GLP1R: variants seen among roughly 807,000 people sequenced by gnomAD.
GLP1R encodes glucagon-like peptide 1 receptor.
Under a neutral mutation model 68.4 loss-of-function variants are expected in GLP1R, and 32 were observed. That is an observed-to-expected ratio of 0.47 (90% CI 0.35 to 0.63). The LOEUF (loss-of-function observed/expected upper bound fraction) is 0.63, where lower values mean the gene tolerates loss of function less well. GLP1R is among the 20% of genes least tolerant of loss of function. The pLI is 0.00. For missense variants in GLP1R, 502 were observed against 594.9 expected (o/e 0.84, Z 1.62); for synonymous variants, 263 against 244.4 (o/e 1.08, Z -0.71).
chr6:39,056,165 C>T (rs10305435), intron 1 of GLP1R, among the ~76,000 whole-genome samples: 4,341 of 152,284 alleles, frequency 0.029, 184 homozygotes, highest in East Asian at 0.16. Flanking sequence ...GCTGGGTGCT[C>T]GTGACACATC....
chr6:39,059,992 G>A (rs868862869), intron 3 of GLP1R, among the ~76,000 whole-genome samples: 12 of 151,838 alleles, frequency 7.9e-5, no homozygotes, highest in African/African-American at 2.4e-4. Context: ...CCCCAACCCC[G>A]TCCCCCTGCC....
At chr6:39,066,899 G>T (rs10305467) in intron 5 of GLP1R, among the ~76,000 whole-genome samples, 2 of 152,194 alleles carry the variant, frequency 1.3e-5, no homozygotes, top group African/African-American at 2.4e-5. Context: ...GGCAGCAAGA[G>T]CAGGAGAGGT....
rs1342920919 is a variant in GLP1R, at chr6:39,087,677, A to C, written c.*1604A>C. ...ACACATTCTCCTGTGCCCCTCAGAG[A>C]GGCATGTGATGTGCAAGGAAAATAA... is the stretch of plus-strand genomic sequence containing the variant. On this transcript the variant is annotated 3_prime_UTR_variant, in exon 13 of 13. Coordinates refer to ENST00000373256, the MANE Select transcript of GLP1R (RefSeq NM_002062.5). 6.6e-6 allele frequency: 1 copy of C among 152,178 alleles called. No homozygotes were observed. Among genetic ancestry groups the C allele is most frequent in the East Asian group, 1.9e-4 (1 of 5,200 alleles). The allele number at this position is 152,178 out of a possible 1,614,324, so 9.4% of individuals were successfully genotyped here. A position where few individuals can be genotyped will look rare whatever the true frequency, so the allele number is the denominator to read the frequency against.
At chr6:39,071,794 A>C (rs1229447027) in intron 5 of GLP1R, among the ~76,000 whole-genome samples, 11 of 152,140 alleles carry the variant, frequency 7.2e-5, no homozygotes, top group Admixed American at 7.2e-4. Flanking sequence ...GCTCTTCTTT[A>C]TAAGTTTTTA....
Position 39,048,872 on chromosome 6 carries a change from CGCT to C in GLP1R, c.42_44del (p.Leu15del), listed in dbSNP as rs1445709721. On this transcript the variant is annotated inframe_deletion, in exon 1 of 13. Transcript: ENST00000373256. ...GGCGCCCCCGGCCCGCTGCGCCTTG[CGCT>C]GCTGCTGCTCGGGATGGTGGGCAGG... is the stretch of plus-strand genomic sequence containing the variant. 7 of 1,497,846 alleles carry C rather than the reference CGCT, an allele frequency of 4.7e-6. No individual in the cohort carries two copies. The highest frequency in any genetic ancestry group is 1.3e-5 in the South Asian group (1 of 79,526). 92.8% of individuals were successfully genotyped at this position (1,497,846 alleles called of 1,614,324 possible).
Position 39,079,452 on chromosome 6 carries a change from C to T in GLP1R, c.1044-112C>T. The T allele has an allele frequency of 8.9e-7, 1 of 1,125,842 alleles. No individual in the cohort carries two copies. The highest frequency in any genetic ancestry group is 1.3e-6 in the Non-Finnish European group (1 of 788,306). 69.7% of individuals were successfully genotyped at this position (1,125,842 alleles called of 1,614,324 possible). ...TCCCAGGGTATTTGGGGTGGGAGAA[C>T]ATCCATGACCCAGATATCAGGACTT... On this transcript the variant is annotated intron_variant, in intron 10 of 12. Transcript: ENST00000373256. The surrounding 1 kb of genome is among the most constrained non-coding windows in gnomAD (Gnocchi z 4.5).
At position 39,089,626 on chromosome 6, in the gene GLP1R, G is replaced by C. The variant is rs568252668; in HGVS notation, c.*3553G>C. On this transcript the variant is annotated 3_prime_UTR_variant, in exon 13 of 13. Coordinates refer to ENST00000373256, the MANE Select transcript of GLP1R (RefSeq NM_002062.5). The surrounding 1 kb of genome is among the most constrained non-coding windows in gnomAD (Gnocchi z 4.1). ...ACATTGCATGTGGGCGTGTGTGTGT[G>C]TATGTGTGTGCATGTGTGTGTGCAT... 9.5e-4 allele frequency among the ~76,000 whole-genome samples: 145 copies of C among 152,266 alleles called. No homozygotes were observed. The highest frequency in any genetic ancestry group is 1.6e-3 in the Non-Finnish European group (110 of 68,026).
Position 39,089,462 on chromosome 6 carries a change from G to A in GLP1R, c.*3389G>A, listed in dbSNP as rs1376876209. Among the ~76,000 whole-genome samples, 2 of 151,930 alleles carry A rather than the reference G, an allele frequency of 1.3e-5. No individual in the cohort carries two copies. Among genetic ancestry groups the A allele is most frequent in the African/African-American group, 4.8e-5 (2 of 41,254 alleles). On this transcript the variant is annotated 3_prime_UTR_variant, in exon 13 of 13. Transcript: ENST00000373256. This position sits in a 1 kb window ranked among gnomAD's most constrained non-coding sequence, Gnocchi z 4.1. Reference sequence around the variant, plus strand: ...CAAAGATGGCACAGCACCACAAAGGGCAAATGGAGTCAACTCCCTTCCATG... The same window carrying A: ...CAAAGATGGCACAGCACCACAAAGGACAAATGGAGTCAACTCCCTTCCATG...
intron 1 of GLP1R, among the ~76,000 whole-genome samples, chr6:39,054,704 T>C (rs573045281): frequency 2.4e-4 from 37 of 152,258 alleles, no homozygotes; most frequent in Non-Finnish European, 5.3e-4. Context: ...AGCAGTGACC[T>C]TGTGTGTGGT....
chr6:39,082,918 G>C (rs1447548098), intron 12 of GLP1R, among the ~76,000 whole-genome samples: 2 of 151,940 alleles, frequency 1.3e-5, no homozygotes, highest in Admixed American at 6.6e-5. Context: ...TAGCAGACAC[G>C]TGTGCTTGGC....
intron 2 of GLP1R, among the ~76,000 whole-genome samples, chr6:39,056,893 T>C (rs546264438): frequency 2.0e-5 from 3 of 152,156 alleles, no homozygotes; most frequent in Non-Finnish European, 4.4e-5. Flanking sequence ...GGCCTTTCCA[T>C]TTTTGTCCTC....
chr6:39,053,666 A>G (rs1403246609), intron 1 of GLP1R, among the ~76,000 whole-genome samples: 1 of 152,176 alleles, frequency 6.6e-6, no homozygotes, highest in Admixed American at 6.5e-5. Flanking sequence ...CCTTTTGCAC[A>G]AGTGTAAGCT....
At chr6:39,066,521 G>A (rs10305461) in intron 5 of GLP1R, among the ~76,000 whole-genome samples, 3,404 of 152,250 alleles carry the variant, frequency 0.022, 123 homozygotes, top group African/African-American at 0.077. Flanking sequence ...GTGTGCGTAT[G>A]TACTGCAAAA....
In GLP1R at chr6:39,090,561, T is replaced by A. The variant is rs1040273668; in HGVS notation, c.*4488T>A. 1.3e-5 allele frequency among the ~76,000 whole-genome samples: 2 copies of A among 152,170 alleles called. No individual in the cohort carries two copies. The highest frequency in any genetic ancestry group is 4.8e-5 in the African/African-American group (2 of 41,428). The stretch of plus-strand genomic sequence containing the variant: ...GGGGGTGCAGCTGAGAGTGAGGTGC[T>A]GTCAGGGCTGAAAAGGACGCACCTC... On this transcript the variant is annotated 3_prime_UTR_variant, in exon 13 of 13. Transcript: ENST00000373256.
chr6:39,066,174 C>T (rs756295747), intron 4 of GLP1R, 23 bp from the exon 5 acceptor site: 13 of 1,310,074 alleles, frequency 9.9e-6, no homozygotes, highest in East Asian at 4.6e-5. Flanking sequence ...CCCATGTACA[C>T]GTATGTCCCC....
intron 1 of GLP1R, among the ~76,000 whole-genome samples, chr6:39,052,053 G>A (rs972881855): frequency 6.6e-5 from 10 of 151,978 alleles, no homozygotes; most frequent in South Asian, 2.1e-4. Flanking sequence ...CAGTCTGTGA[G>A]TGATTGTGTG....
At chr6:39,081,846 T>C (rs1000821140) in intron 12 of GLP1R, among the ~76,000 whole-genome samples, 5 of 152,320 alleles carry the variant, frequency 3.3e-5, no homozygotes, top group Non-Finnish European at 7.3e-5. Context: ...CTTAGTTTGC[T>C]CATTTACAAA....
chr6:39,082,045 A>G (rs1334568730), intron 12 of GLP1R, among the ~76,000 whole-genome samples: 2 of 152,198 alleles, frequency 1.3e-5, no homozygotes, highest in Admixed American at 6.5e-5. Context: ...ATCAGTATTC[A>G]GTGATTCCCA....
intron 1 of GLP1R, among the ~76,000 whole-genome samples, chr6:39,051,633 G>A (rs1280970732): frequency 1.3e-5 from 2 of 152,126 alleles, no homozygotes; most frequent in Non-Finnish European, 2.9e-5. Flanking sequence ...AAATTCCTAT[G>A]TGTGTGTGGT....
Sources: allele counts gnomAD v4.1 joint callset (sites outside exome capture counted in the v4.1 genomes callset), GRCh38; gene constraint gnomAD v4.1.1; non-coding constraint Gnocchi (gnomAD v3.1); transcripts MANE v1.5; gene names NCBI Gene and HGNC (gene_info 2026-07-23, HGNC 2026-07-21).